CFAP74: variants seen among roughly 807,000 people sequenced by gnomAD.
CFAP74 encodes the protein cilia- and flagella-associated protein 74.
In CFAP74, 124 loss-of-function variants were observed where a neutral mutation model predicts 188.9. That is an observed-to-expected ratio of 0.66 (90% CI 0.57 to 0.76). The LOEUF is 0.76. CFAP74 is among the 30% of genes least tolerant of loss of function. CFAP74 has a pLI of 0.00. For missense variants in CFAP74, 2,198 were observed against 2,165.2 expected, an observed-to-expected ratio of 1.02 and a Z score of -0.30; for synonymous variants, 956 against 916.7, an observed-to-expected ratio of 1.04 and a Z score of -0.77.
At chr1:1,941,928 G>A (rs1002321769) in intron 22 of CFAP74, 100 bp downstream of exon 22, 25 of 1,229,014 alleles carry the variant, frequency 2.0e-5, no homozygotes, top group African/African-American at 6.1e-5. Context: ...TGATGATCCC[G>A]GCAGCAATGA....
At chr1:1,926,099 CAGG>C in intron 32 of CFAP74, 126 bp downstream of exon 32, 7 of 1,417,666 alleles carry the variant, frequency 4.9e-6, no homozygotes, top group Non-Finnish European at 5.6e-6. Context: ...GCCTGGGGGC[CAGG>C]CTGCTCGCAG....
At position 1,968,957 on chromosome 1, in the gene CFAP74, C is replaced by G; in HGVS notation, c.1047-124G>C. 4 of 487,740 alleles carry G rather than the reference C, an allele frequency of 8.2e-6. No homozygotes were observed. The highest frequency in any genetic ancestry group is 3.9e-5 in the Admixed American group (1 of 25,366). 30.2% of individuals were successfully genotyped at this position (487,740 alleles called of 1,614,324 possible). A position where few individuals can be genotyped will look rare whatever the true frequency, so the allele number is the denominator to read the frequency against. On this transcript the variant is annotated intron_variant, in intron 10 of 38. Coordinates refer to ENST00000682832, the MANE Select transcript of CFAP74 (RefSeq NM_001304360.2). This position sits in a 1 kb window ranked among gnomAD's most constrained non-coding sequence, Gnocchi z 4.3. ...GGGGGCTCCGGTCCTGCCCAGCAGCCCCAGGTGAGACAGCGCCTGGCGGCC... is the reference window on the plus strand; with the variant it reads ...GGGGGCTCCGGTCCTGCCCAGCAGCGCCAGGTGAGACAGCGCCTGGCGGCC...
intron 1 of CFAP74, among the ~76,000 whole-genome samples, chr1:1,992,019 G>A (rs1440795311): frequency 6.7e-6 from 1 of 149,828 alleles, no homozygotes; most frequent in Admixed American, 6.6e-5. Context: ...CAGCCTGGGT[G>A]ACAGAGCGAG....
rs1652258868 is a variant in CFAP74, at chr1:1,930,209, G to A, written c.3139C>T (p.His1047Tyr). The change falls in exon 26 of 39, where the codon CAC becomes TAC. Residue 1047 changes from histidine (H) to tyrosine (Y), a missense_variant. Transcript: ENST00000682832. ...TGGGTCGGTGAGCTCATGCTCAGGTGAGAGTTGATGACGTACACTGTAGCC... is the reference window on the plus strand; with the variant it reads ...TGGGTCGGTGAGCTCATGCTCAGGTAAGAGTTGATGACGTACACTGTAGCC... ...SVATVYVINS[H>Y]LSMSSPTHSK... is the part of the protein sequence containing the mutation. 1 of 1,535,714 alleles carries A rather than the reference G, an allele frequency of 6.5e-7. No individual in the cohort carries two copies. The highest frequency in any genetic ancestry group is 2.4e-5 in the East Asian group (1 of 40,916).
At chr1:1,941,955 A>C in intron 22 of CFAP74, 73 bp downstream of exon 22, 1 of 1,368,566 alleles carries the variant, frequency 7.3e-7, no homozygotes, top group Non-Finnish European at 9.5e-7. Context: ...AGGAGTGGCC[A>C]GTGGCGAGGA....
chr1:1,963,407 C>T (rs540958433), intron 14 of CFAP74, among the ~76,000 whole-genome samples: 29 of 142,566 alleles, frequency 2.0e-4, no homozygotes, highest in Non-Finnish European at 3.0e-4. Flanking sequence ...GCTGAGACCG[C>T]GCCATCGCAC....
intron 33 of CFAP74, among the ~76,000 whole-genome samples, chr1:1,925,494 G>C (rs982757503): frequency 6.6e-6 from 1 of 152,166 alleles, no homozygotes; most frequent in Non-Finnish European, 1.5e-5. Context: ...GGTGGTGGGT[G>C]GGGGAGCTCT....
At chr1:1,997,962 T>C (rs1364733070) in intron 1 of CFAP74, among the ~76,000 whole-genome samples, 1 of 152,178 alleles carries the variant, frequency 6.6e-6, no homozygotes, top group Non-Finnish European at 1.5e-5. Context: ...GAGCACAAAC[T>C]GGCATTAGTT....
At chr1:1,978,516 C>G (rs549647848) in intron 6 of CFAP74, among the ~76,000 whole-genome samples, 1 of 152,232 alleles carries the variant, frequency 6.6e-6, no homozygotes, top group East Asian at 1.9e-4. Context: ...ATCTGAAGAG[C>G]CAGTGTGGTC....
chr1:1,946,008 G>T (rs1170257579), intron 20 of CFAP74, among the ~76,000 whole-genome samples: 1 of 147,800 alleles, frequency 6.8e-6, no homozygotes, highest in East Asian at 2.0e-4. Flanking sequence ...ATGTGTGCGG[G>T]ACTGCGTGTG....
Position 1,923,885 on chromosome 1 carries a change from CG to C in CFAP74, c.4278del (p.Val1427SerfsTer45). 1 of 1,612,936 alleles carries C rather than the reference CG, an allele frequency of 6.2e-7. No homozygotes were observed. The highest frequency in any genetic ancestry group is 8.5e-7 in the Non-Finnish European group (1 of 1,179,682). On this transcript the variant is annotated frameshift_variant, in exon 35 of 39. Transcript: ENST00000682832. LOFTEE classifies it high-confidence loss of function. This position sits in a 1 kb window ranked among gnomAD's most constrained non-coding sequence, Gnocchi z 6.3. Reference sequence around the variant, plus strand: ...TTCCCGGGGTCCATGACGCCCTTGACGGGGGCCACGCTGAACACGCTCTGAC... The same window carrying C: ...TTCCCGGGGTCCATGACGCCCTTGACGGGGCCACGCTGAACACGCTCTGAC... ...LNGQSVFSVA[P>X]VKGVMDPGKT...
At chr1:1,934,818 T>TTATGTTGTAGG (rs1652736502) in intron 25 of CFAP74, among the ~76,000 whole-genome samples, 1 of 143,628 alleles carries the variant, frequency 7.0e-6, no homozygotes, top group African/African-American at 2.6e-5. Flanking sequence ...TATGTGGGTG[T>TTATGTTGTAGG]TACGTTGTAG....
chr1:1,927,783 G>A, intron 27 of CFAP74, 37 bp from the exon 28 acceptor site: 1 of 1,535,780 alleles, frequency 6.5e-7, no homozygotes, highest in South Asian at 1.2e-5. Flanking sequence ...GCTGTGCAGG[G>A]CCCTAAACAC....
intron 18 of CFAP74, chr1:1,955,329 C>CTGG (rs1258341914): frequency 1.5e-6 from 2 of 1,315,360 alleles, no homozygotes; most frequent in Non-Finnish European, 2.0e-6. Flanking sequence ...TGGTGCGCGT[C>CTGG]TAACAACAGC....
chr1:1,986,434 G>A (rs949671447), intron 5 of CFAP74, among the ~76,000 whole-genome samples: 2 of 152,094 alleles, frequency 1.3e-5, no homozygotes, highest in Non-Finnish European at 2.9e-5. Context: ...CCTCCAGGTC[G>A]GGCACCCTGC....
intron 1 of CFAP74, among the ~76,000 whole-genome samples, chr1:2,002,762 T>A (rs1658268750): frequency 6.7e-6 from 1 of 150,056 alleles, no homozygotes; most frequent in Admixed American, 6.7e-5. Context: ...GCATTATATA[T>A]AGTCTATATA....
At chr1:1,949,814 C>A (rs1166087871) in intron 18 of CFAP74, among the ~76,000 whole-genome samples, 2 of 152,194 alleles carry the variant, frequency 1.3e-5, no homozygotes. Flanking sequence ...TAGCATGATG[C>A]ATTTGAGACT....
chr1:1,969,146 C>T (rs1276717555), intron 10 of CFAP74, among the ~76,000 whole-genome samples: 1 of 151,348 alleles, frequency 6.6e-6, no homozygotes, highest in Admixed American at 6.6e-5. Flanking sequence ...CCCAGTCCAT[C>T]CCTGCCAAGC....
intron 27 of CFAP74, chr1:1,928,021 C>A (rs994467456): frequency 1.2e-5 from 6 of 485,122 alleles, no homozygotes; most frequent in Non-Finnish European, 2.3e-5. Context: ...GGGTCCCCAC[C>A]CTGGTGCCTT....
Sources: allele counts gnomAD v4.1 joint callset (sites outside exome capture counted in the v4.1 genomes callset), GRCh38; gene constraint gnomAD v4.1.1; non-coding constraint Gnocchi (gnomAD v3.1); transcripts MANE v1.5; gene names NCBI Gene and HGNC (gene_info 2026-07-23, HGNC 2026-07-21).